The following TDRD10 variants were observed in gnomAD, a reference collection of about 807,000 sequenced individuals.
TDRD10 encodes the protein tudor domain containing 10, also known as tudor domain-containing protein 10.
TDRD10 carries 40 observed loss-of-function variants against 48.0 expected under a neutral mutation model. The observed-to-expected ratio is 0.83, with a 90% CI of 0.65 to 1.09. The LOEUF (loss-of-function observed/expected upper bound fraction) is 1.09, where lower values mean the gene tolerates loss of function less well. TDRD10 is among the 50% of genes least tolerant of loss of function. The probability of loss-of-function intolerance (pLI) is 0.00; values close to 1 mark genes in which losing one functional copy is unlikely to be tolerated. For synonymous variants in TDRD10, 162 were observed against 170.4 expected (o/e 0.95, Z 0.38); for missense variants, 378 against 434.7 (o/e 0.87, Z 1.16).
chr1:154,526,499 A>G (rs1377379911), intron 6 of TDRD10, among the ~76,000 whole-genome samples: 2 of 149,894 alleles, frequency 1.3e-5, no homozygotes, highest in Non-Finnish European at 3.0e-5. Flanking sequence ...GCTTACTGCA[A>G]CCTCTGCCTC....
At position 154,502,872 on chromosome 1, in the gene TDRD10, G is replaced by C. The variant is rs1193622159; in HGVS notation, c.-185G>C. ...TTACTCTTCGGTGGCACACGGTCCT[G>C]GGCAGCGCGAGGCTCTTCCCGCCGT... On this transcript the variant is annotated 5_prime_UTR_variant, in exon 1 of 13. Coordinates refer to ENST00000368482, the MANE Select transcript of TDRD10 (RefSeq NM_182499.4). The C allele has an allele frequency of 6.6e-6, 1 of 152,278 alleles. No homozygotes were observed. Among genetic ancestry groups the C allele is most frequent in the Non-Finnish European group, 1.5e-5 (1 of 68,108 alleles). 9.4% of individuals were successfully genotyped at this position (152,278 alleles called of 1,614,324 possible).
At chr1:154,544,585 C>G (rs1695447150) in intron 10 of TDRD10, 68 bp downstream of exon 10, 1 of 1,556,796 alleles carries the variant, frequency 6.4e-7, no homozygotes. Context: ...TTCTTGCATT[C>G]TCTTCCTTTG....
intron 6 of TDRD10, among the ~76,000 whole-genome samples, chr1:154,540,495 A>T (rs867726917): frequency 2.4e-5 from 2 of 84,750 alleles, no homozygotes; most frequent in South Asian, 4.6e-4. Flanking sequence ...ACATGGTGAA[A>T]CCCCATCTCT....
chr1:154,532,983 G>A (rs1201842296), intron 6 of TDRD10, among the ~76,000 whole-genome samples: 2 of 152,194 alleles, frequency 1.3e-5, no homozygotes, highest in African/African-American at 4.8e-5. Flanking sequence ...CCCCCCAGTA[G>A]GGAGAGAGAG....
In TDRD10 at chr1:154,502,886, T is replaced by A. The variant is rs1461127759; in HGVS notation, c.-171T>A. 2 of 152,160 alleles carry A rather than the reference T, an allele frequency of 1.3e-5. No homozygotes were observed. Among genetic ancestry groups the A allele is most frequent in the Non-Finnish European group, 2.9e-5 (2 of 68,060 alleles). 9.4% of individuals were successfully genotyped at this position (152,160 alleles called of 1,614,324 possible). ...CACACGGTCCTGGGCAGCGCGAGGC[T>A]CTTCCCGCCGTGGCCGCCGGGGATT... On this transcript the variant is annotated 5_prime_UTR_variant, in exon 1 of 13. Coordinates refer to ENST00000368482, the MANE Select transcript of TDRD10 (RefSeq NM_182499.4).
At chr1:154,528,369 G>A (rs530119159) in intron 6 of TDRD10, among the ~76,000 whole-genome samples, 7 of 151,858 alleles carry the variant, frequency 4.6e-5, no homozygotes, top group Admixed American at 1.3e-4. Context: ...GACTACAGGC[G>A]TGCACCACCA....
intron 1 of TDRD10, among the ~76,000 whole-genome samples, chr1:154,505,816 T>A (rs12124333): frequency 0.78 from 119,203 of 152,128 alleles, 47,472 homozygotes; most frequent in East Asian, 0.92. Context: ...GCCCATAAAA[T>A]CCATAAAAAT....
At position 154,520,336 on chromosome 1, in the gene TDRD10, C is replaced by CGAA. The variant is rs1693991650; in HGVS notation, c.174_175insGAA (p.Asn58_Pro59insGlu). On this transcript the variant is annotated inframe_insertion, in exon 5 of 13. Coordinates refer to ENST00000368482, the MANE Select transcript of TDRD10 (RefSeq NM_182499.4). ...TTCTGTACCTTCTAAAGGACTTCAA[C>CGAA]CCTCTTGATGTCCACAAAATCCAGA... 1 of 1,613,888 alleles carries CGAA rather than the reference C, an allele frequency of 6.2e-7. No individual in the cohort carries two copies. Among genetic ancestry groups the CGAA allele is most frequent in the Admixed American group, 1.7e-5 (1 of 60,016 alleles).
chr1:154,517,500 C>T lies in TDRD10; in HGVS notation c.142-2804C>T, dbSNP rs185099645. ...GCAATGGTGCGATCTCGGCTCACTGCACCCTCTGCCCCCTGGGGTTTAAGG... is the reference window on the plus strand; with the variant it reads ...GCAATGGTGCGATCTCGGCTCACTGTACCCTCTGCCCCCTGGGGTTTAAGG... On this transcript the variant is annotated intron_variant, in intron 4 of 12. Transcript: ENST00000368482. 1.7e-4 allele frequency among the ~76,000 whole-genome samples: 26 copies of T among 151,408 alleles called. No homozygotes were observed. The East Asian group carries it at 4.7e-3, about 27-fold the overall frequency.
intron 6 of TDRD10, among the ~76,000 whole-genome samples, chr1:154,522,039 G>C (rs1694087082): frequency 6.6e-6 from 1 of 152,208 alleles, no homozygotes; most frequent in African/African-American, 2.4e-5. Context: ...AGGAGAAAAA[G>C]ATCCCATTCC....
chr1:154,514,877 T>TATTTATTTA (rs59720721), intron 4 of TDRD10, among the ~76,000 whole-genome samples: 1 of 144,774 alleles, frequency 6.9e-6, no homozygotes, highest in Non-Finnish European at 1.5e-5. Flanking sequence ...TTTATTTATT[T>TATTTATTTA]TTTTTTTTGA....
chr1:154,543,817 C>A, intron 8 of TDRD10, 146 bp from the exon 9 acceptor site: 1 of 1,262,370 alleles, frequency 7.9e-7, no homozygotes, highest in Non-Finnish European at 1.1e-6. Flanking sequence ...AGCTCCCACC[C>A]TAGAGGGGGT....
At position 154,545,041 on chromosome 1, in the gene TDRD10, C is replaced by T. The variant is rs1374202219; in HGVS notation, c.952+92C>T. 17 of 1,506,050 alleles carry T rather than the reference C, an allele frequency of 1.1e-5. No homozygotes were observed. The Admixed American group carries it at 1.4e-4, about 12-fold the overall frequency. 93.3% of individuals were successfully genotyped at this position (1,506,050 alleles called of 1,614,324 possible). A position where few individuals can be genotyped will look rare whatever the true frequency, so the allele number is the denominator to read the frequency against. ...CCTGAACAGGAAGCAGCATAGTGGG[C>T]GGCCAAGGTGCTTCAGTCTCTCTTT... On this transcript the variant is annotated intron_variant, in intron 11 of 12. Transcript: ENST00000368482.
intron 6 of TDRD10, among the ~76,000 whole-genome samples, chr1:154,524,642 C>G (rs929924211): frequency 9.9e-5 from 15 of 152,070 alleles, no homozygotes; most frequent in African/African-American, 3.6e-4. Flanking sequence ...TTGGAATGTT[C>G]CATTGTGAGT....
chr1:154,514,877 T>TATTTA (rs59720721), intron 4 of TDRD10, among the ~76,000 whole-genome samples: 2 of 144,774 alleles, frequency 1.4e-5, no homozygotes, highest in African/African-American at 2.6e-5. Flanking sequence ...TTTATTTATT[T>TATTTA]TTTTTTTTGA....
At chr1:154,520,580 G>A (rs1694006233) in intron 5 of TDRD10, among the ~76,000 whole-genome samples, 1 of 152,106 alleles carries the variant, frequency 6.6e-6, no homozygotes, top group Non-Finnish European at 1.5e-5. Context: ...CACAACCCTG[G>A]CTTAGAAGTC....
At chr1:154,516,290 C>A (rs538338689) in intron 4 of TDRD10, among the ~76,000 whole-genome samples, 1 of 152,064 alleles carries the variant, frequency 6.6e-6, no homozygotes, top group Non-Finnish European at 1.5e-5. Flanking sequence ...AGTTTGTATG[C>A]TCATCCAGTG....
chr1:154,507,458 AG>A, intron 3 of TDRD10, 138 bp downstream of exon 3: 1 of 1,036,260 alleles, frequency 9.7e-7, no homozygotes, highest in East Asian at 2.6e-5. Context: ...TCCTCCAGTC[AG>A]CCACCATGTT....
Position 154,547,794 on chromosome 1 carries a change from C to T in TDRD10, c.*84C>T, listed in dbSNP as rs137974498. On this transcript the variant is annotated 3_prime_UTR_variant, in exon 13 of 13. Transcript: ENST00000368482. ...CCTGTCTTCTCGTACCCCTTTCACT[C>T]TTGAGGCCTGGGAGGTGAAAAAGGC... is the stretch of plus-strand genomic sequence containing the variant. The T allele has an allele frequency of 9.0e-6, 14 of 1,555,714 alleles. No homozygotes were observed. The African/African-American group carries it at 9.5e-5, about 11-fold the overall frequency.
Sources: allele counts gnomAD v4.1 joint callset (sites outside exome capture counted in the v4.1 genomes callset), GRCh38; gene constraint gnomAD v4.1.1; transcripts MANE v1.5; gene names NCBI Gene and HGNC (gene_info 2026-07-23, HGNC 2026-07-21).